SLBP: variants seen among roughly 807,000 people sequenced by gnomAD.
SLBP encodes the protein stem-loop histone mRNA binding protein, also known as histone RNA hairpin-binding protein.
A neutral mutation model predicts 39.2 loss-of-function variants in SLBP; 29 were observed. That is an observed-to-expected ratio of 0.74 (90% confidence interval 0.55 to 1.01). The LOEUF (loss-of-function observed/expected upper bound fraction) is 1.01, where lower values mean the gene tolerates loss of function less well. SLBP is among the 50% of genes least tolerant of loss of function. SLBP has a pLI of 0.00. For missense variants in SLBP, 390 were observed against 350.2 expected (o/e 1.11, Z -0.91); for synonymous variants, 129 against 118.7 (o/e 1.09, Z -0.57).
At chr4:1,698,758 ACAGGCATGAGCCAC>A (rs1305704125) in intron 5 of SLBP, among the ~76,000 whole-genome samples, 1 of 151,664 alleles carries the variant, frequency 6.6e-6, no homozygotes, top group Non-Finnish European at 1.5e-5. Flanking sequence ...TGCTGGGATT[ACAGGCATGAGCCAC>A]TGCACTCAGC....
At position 1,703,662 on chromosome 4, in the gene SLBP, C is replaced by A. The variant is rs1385815248; in HGVS notation, c.215G>T (p.Cys72Phe). Reference protein sequence around the residue: ...TPEGPKPRSRCSDWASAVEED... With the variant: ...TPEGPKPRSRFSDWASAVEED... ...TTCAACTGCACTTGCCCAGTCAGAG[C>A]ATCTGGAACGGGGTTTAGGGCCTTC... The change falls in exon 3 of 8, where the codon TGC becomes TTC. Residue 72 changes from cysteine (C) to phenylalanine (F), a missense_variant. Coordinates refer to ENST00000489418, the MANE Select transcript of SLBP (RefSeq NM_006527.4). 1.2e-6 allele frequency: 2 copies of A among 1,613,834 alleles called. No homozygotes were observed. Among genetic ancestry groups the A allele is most frequent in the Non-Finnish European group, 1.7e-6 (2 of 1,179,852 alleles).
rs1174314246 is a variant in SLBP, at chr4:1,712,286, A to G, written c.-98T>C. 3.3e-5 allele frequency: 24 copies of G among 735,684 alleles called. No individual in the cohort carries two copies. Among genetic ancestry groups the G allele is most frequent in the Non-Finnish European group, 4.6e-5 (24 of 519,428 alleles). The allele number at this position is 735,684 out of a possible 1,614,324, so 45.6% of individuals were successfully genotyped here. ...AGAGCAGGGCAGGGCCTGAGGCAGA[A>G]ACCCGCGTCCCCGCGCCGGCGCTCA... On this transcript the variant is annotated 5_prime_UTR_variant, in exon 1 of 8. Coordinates refer to ENST00000489418, the MANE Select transcript of SLBP (RefSeq NM_006527.4).
chr4:1,703,671 C>A lies in SLBP; in HGVS notation c.206G>T (p.Arg69Leu). Residue 69 changes from arginine (R) to leucine (L), a missense_variant, in exon 3 of 8, where the codon CGT (arginine) becomes CTT (leucine). Coordinates refer to ENST00000489418, the MANE Select transcript of SLBP (RefSeq NM_006527.4). ...SFTTPEGPKPRSRCSDWASAV... is the reference protein window; with the variant it reads ...SFTTPEGPKPLSRCSDWASAV... ...ACTTGCCCAGTCAGAGCATCTGGAA[C>A]GGGGTTTAGGGCCTTCAGGAGTGGT... The A allele has an allele frequency of 6.2e-7, 1 of 1,613,678 alleles. No homozygotes were observed.
chr4:1,711,847 G>A (rs1716786765), intron 2 of SLBP, 27 bp downstream of exon 2: 3 of 1,231,896 alleles, frequency 2.4e-6, no homozygotes, highest in African/African-American at 1.6e-5. Context: ...GCCCCACCGC[G>A]CCCCGACCCC....
In SLBP at chr4:1,711,916, G is replaced by A. The variant is rs1252316179; in HGVS notation, c.134C>T (p.Ala45Val). The A allele has an allele frequency of 8.8e-6, 12 of 1,364,830 alleles. No individual in the cohort carries two copies. The South Asian group carries it at 1.6e-4, about 19-fold the overall frequency. The allele number at this position is 1,364,830 out of a possible 1,614,324, so 84.5% of individuals were successfully genotyped here. Residue 45 changes from alanine to valine, a missense_variant, in exon 2 of 8, where the codon GCC becomes GTC. Physicochemically the swap from Ala to Val is moderately conservative, Grantham distance 64. Coordinates refer to ENST00000489418, the MANE Select transcript of SLBP (RefSeq NM_006527.4). Reference sequence around the variant, plus strand: ...GGCGCCGCGGTGCTCTGCCTCCTCGGCGTCTTCGGGCCTCCAGCGCCTGCC... The same window carrying A: ...GGCGCCGCGGTGCTCTGCCTCCTCGACGTCTTCGGGCCTCCAGCGCCTGCC... ...ADGRRWRPED[A>V]EEAEHRGAER...
chr4:1,703,844 C>A (rs914903774), intron 2 of SLBP, 144 bp from the exon 3 acceptor site: 3 of 658,326 alleles, frequency 4.6e-6, no homozygotes, highest in Non-Finnish European at 8.2e-6. Flanking sequence ...GTAGGAGGAT[C>A]ACTTGAACCC....
rs377036027 is a variant in SLBP, at chr4:1,699,516, C to G, written c.479+48G>C. The G allele has an allele frequency of 2.1e-5, 33 of 1,602,894 alleles. 1 individual carries two copies. The highest frequency in any genetic ancestry group is 1.4e-5 in the Non-Finnish European group (16 of 1,170,794). The stretch of plus-strand genomic sequence containing the variant: ...CCCAATCTAAGCAACTCTTTAGAAA[C>G]GCAATGCCACACAGCTTGTTCAAGA... On this transcript the variant is annotated intron_variant, in intron 5 of 7. Coordinates refer to ENST00000489418, the MANE Select transcript of SLBP (RefSeq NM_006527.4).
intron 3 of SLBP, among the ~76,000 whole-genome samples, chr4:1,703,140 G>A (rs1476342828): frequency 6.6e-6 from 1 of 151,842 alleles, no homozygotes; most frequent in African/African-American, 2.4e-5. Context: ...AGGAGGCTGA[G>A]GCAAGAGAAT....
chr4:1,708,475 T>C (rs1254588160), intron 2 of SLBP, among the ~76,000 whole-genome samples: 1 of 152,226 alleles, frequency 6.6e-6, no homozygotes, highest in Non-Finnish European at 1.5e-5. Flanking sequence ...TGAAATCAAA[T>C]TAGGTAATTA....
intron 3 of SLBP, among the ~76,000 whole-genome samples, chr4:1,701,555 C>T (rs908312129): frequency 6.6e-6 from 1 of 152,190 alleles, no homozygotes; most frequent in Non-Finnish European, 1.5e-5. Flanking sequence ...AGTAAGCCGG[C>T]CTGTCAGTAA....
At chr4:1,709,066 G>A (rs770962216) in intron 2 of SLBP, among the ~76,000 whole-genome samples, 1 of 146,602 alleles carries the variant, frequency 6.8e-6, no homozygotes, top group Non-Finnish European at 1.5e-5. Context: ...CAAGTCTTTT[G>A]TCTTTTTTTT....
chr4:1,693,831 A>G (rs567650592), intron 7 of SLBP, 118 bp from the exon 8 acceptor site: 1 of 685,400 alleles, frequency 1.5e-6, no homozygotes, highest in African/African-American at 1.8e-5. Flanking sequence ...CAAGGTGTAC[A>G]CTTCACGTGC....
intron 2 of SLBP, among the ~76,000 whole-genome samples, chr4:1,705,226 C>A (rs1716475028): frequency 6.6e-6 from 1 of 152,214 alleles, no homozygotes; most frequent in Admixed American, 6.5e-5. Flanking sequence ...CGTACCCAGA[C>A]TGCACTGACC....
At position 1,703,738 on chromosome 4, in the gene SLBP, T is replaced by C. The variant is rs41286669; in HGVS notation, c.177-38A>G. ...GAAAATGCTACTGAACCATGACACATACTTTGTTTTCTTTCAAACTGTATG... is the reference window on the plus strand; with the variant it reads ...GAAAATGCTACTGAACCATGACACACACTTTGTTTTCTTTCAAACTGTATG... On this transcript the variant is annotated intron_variant, in intron 2 of 7. Coordinates refer to ENST00000489418, the MANE Select transcript of SLBP (RefSeq NM_006527.4). 2.2e-3 allele frequency: 2,984 copies of C among 1,353,222 alleles called. 9 individuals carry two copies. The highest frequency in any genetic ancestry group is 2.8e-3 in the Non-Finnish European group (2,659 of 942,678). The allele number at this position is 1,353,222 out of a possible 1,614,324, so 83.8% of individuals were successfully genotyped here.
At chr4:1,712,086 C>G in intron 1 of SLBP, 44 bp downstream of exon 1, 1 of 1,230,440 alleles carries the variant, frequency 8.1e-7, no homozygotes, top group Non-Finnish European at 1.0e-6. Flanking sequence ...ACCCCCGCCC[C>G]ACGGGGCACG....
chr4:1,697,157 T>A, intron 5 of SLBP, among the ~76,000 whole-genome samples: 1 of 65,154 alleles, frequency 1.5e-5, no homozygotes. Flanking sequence ...AGACTCCACC[T>A]TAAAAAAAAA....
intron 2 of SLBP, among the ~76,000 whole-genome samples, chr4:1,706,183 G>A (rs1174232659): frequency 6.6e-6 from 1 of 152,188 alleles, no homozygotes; most frequent in Non-Finnish European, 1.5e-5. Flanking sequence ...CTACTAGGGA[G>A]GCTGAGGCAG....
At chr4:1,709,290 G>A (rs1716641167) in intron 2 of SLBP, among the ~76,000 whole-genome samples, 1 of 152,138 alleles carries the variant, frequency 6.6e-6, no homozygotes, top group African/African-American at 2.4e-5. Context: ...GCCTGTATAA[G>A]CTGGCCATAA....
chr4:1,711,042 C>T (rs1716744689), intron 2 of SLBP, among the ~76,000 whole-genome samples: 1 of 135,894 alleles, frequency 7.4e-6, no homozygotes, highest in Admixed American at 7.6e-5. Flanking sequence ...CAGAGTGAGA[C>T]CCTGTCTTTA....
Sources: allele counts gnomAD v4.1 joint callset (sites outside exome capture counted in the v4.1 genomes callset), GRCh38; gene constraint gnomAD v4.1.1; transcripts MANE v1.5; gene names NCBI Gene and HGNC (gene_info 2026-07-23, HGNC 2026-07-21).